Variants in GRIK4 observed in about 807,000 individuals in gnomAD.
The protein encoded by GRIK4 is glutamate receptor ionotropic, kainate 4.
Under a neutral mutation model 104.9 loss-of-function variants are expected in GRIK4, and 40 were observed. That is an observed-to-expected ratio of 0.38 (90% confidence interval 0.30 to 0.50). The LOEUF is 0.50. Ranked by LOEUF, GRIK4 falls within the 20% of genes least tolerant of loss-of-function variation. The pLI is 0.93. For synonymous variants in GRIK4, 485 were observed against 524.9 expected (o/e 0.92, Z 1.04); for missense variants, 1,047 against 1,308.1 (o/e 0.80, Z 3.08).
In GRIK4 at chr11:120,907,143, T is replaced by G. The variant is rs181814005; in HGVS notation, c.1476+1650T>G. On this transcript the variant is annotated intron_variant, in intron 13 of 20. Transcript: ENST00000527524. ...CAGACCCACTCCTGAAACATTCTTC[T>G]TATTTGGTTTCCACTGTGAAGGTGC... Among the ~76,000 whole-genome samples, 17 of 152,348 alleles carry G rather than the reference T, an allele frequency of 1.1e-4. No homozygotes were observed. The East Asian group carries it at 2.5e-3, about 22-fold the overall frequency.
intron 1 of GRIK4, among the ~76,000 whole-genome samples, chr11:120,573,212 T>C (rs1948424443): frequency 6.6e-6 from 1 of 152,194 alleles, no homozygotes; most frequent in African/African-American, 2.4e-5. Flanking sequence ...TAAATGTTTG[T>C]TGTTGATGAT....
At chr11:120,678,836 T>C (rs536960831) in intron 3 of GRIK4, among the ~76,000 whole-genome samples, 2 of 152,186 alleles carry the variant, frequency 1.3e-5, no homozygotes, top group Non-Finnish European at 2.9e-5. Context: ...GGTTTCACCA[T>C]CTTGGCCAGG....
At chr11:120,839,600 T>C (rs1953665341) in intron 8 of GRIK4, among the ~76,000 whole-genome samples, 1 of 152,226 alleles carries the variant, frequency 6.6e-6, no homozygotes. Context: ...TCCCCAGCCA[T>C]GCATGACCTG....
At chr11:120,808,817 C>G (rs1267328967) in intron 4 of GRIK4, among the ~76,000 whole-genome samples, 2 of 152,176 alleles carry the variant, frequency 1.3e-5, no homozygotes, top group African/African-American at 4.8e-5. Context: ...ACCCTCTGCT[C>G]CATTCAGGCT....
rs776440015 is a variant in GRIK4 at position 120,889,588 on chromosome 11, C to CG, written c.1165-8944_1165-8943insG. ...AATAGAATAAAATAGAAAGAGCTTA[C>CG]ATTTTTTTTTTTTTTTTTTTTTTTT... is the stretch of plus-strand genomic sequence containing the variant. On this transcript the variant is annotated intron_variant, in intron 11 of 20. Transcript: ENST00000527524. 1.6e-4 allele frequency among the ~76,000 whole-genome samples: 11 copies of CG among 67,148 alleles called. No individual in the cohort carries two copies. In the South Asian group the frequency reaches 2.5e-3, roughly 15 times the overall value. The allele number at this position is 67,148 out of a possible 152,430, so 44.1% of individuals were successfully genotyped here.
chr11:120,785,093 C>G (rs912772995), intron 3 of GRIK4, among the ~76,000 whole-genome samples: 4 of 152,188 alleles, frequency 2.6e-5, no homozygotes, highest in African/African-American at 9.7e-5. Flanking sequence ...CATTCCCACT[C>G]TGTCCCATAA....
At position 120,831,397 on chromosome 11, in the gene GRIK4, A is replaced by G. The variant is rs141049609; in HGVS notation, c.512-455A>G. On this transcript the variant is annotated intron_variant, in intron 6 of 20. Coordinates refer to ENST00000527524, the MANE Select transcript of GRIK4 (RefSeq NM_014619.5). ...TTGGACCTGAGTGCTGGCTGCTGTG[A>G]TAATTCTAACTTCTCAATTGAGGAA... Among the ~76,000 whole-genome samples the G allele has an allele frequency of 1.6e-4, 25 of 152,286 alleles. No homozygotes were observed. In the East Asian group the frequency reaches 4.8e-3, roughly 30 times the overall value.
intron 6 of GRIK4, among the ~76,000 whole-genome samples, chr11:120,826,999 A>G (rs889134520): frequency 2.0e-5 from 3 of 152,158 alleles, no homozygotes; most frequent in Non-Finnish European, 4.4e-5. Context: ...ACTATGTGCC[A>G]TATTGAATTC....
intron 13 of GRIK4, among the ~76,000 whole-genome samples, chr11:120,932,621 C>T (rs1051747252): frequency 6.6e-6 from 1 of 152,214 alleles, no homozygotes; most frequent in Non-Finnish European, 1.5e-5. Context: ...AGACAATTAC[C>T]TTGGAATGAA....
At chr11:120,859,171 G>A in intron 8 of GRIK4, 1 of 152,046 alleles carries the variant, frequency 6.6e-6, no homozygotes, top group South Asian at 2.1e-4. Flanking sequence ...TTTCTAACTT[G>A]TGGAACTGAA....
intron 1 of GRIK4, among the ~76,000 whole-genome samples, chr11:120,642,017 A>C (rs933547972): frequency 3.9e-5 from 6 of 152,198 alleles, no homozygotes; most frequent in African/African-American, 1.4e-4. Context: ...CGGTGTTCCC[A>C]TGGCAACCAG....
At chr11:120,690,950 T>C (rs1295770817) in intron 3 of GRIK4, among the ~76,000 whole-genome samples, 1 of 152,224 alleles carries the variant, frequency 6.6e-6, no homozygotes, top group Non-Finnish European at 1.5e-5. Flanking sequence ...TCATTTAACC[T>C]CCCTTTATAG....
chr11:120,769,022 C>T (rs140713970), intron 3 of GRIK4, among the ~76,000 whole-genome samples: 4 of 152,174 alleles, frequency 2.6e-5, no homozygotes, highest in African/African-American at 7.2e-5. Context: ...GTGTCTTTAT[C>T]TGGCTTAAGT....
intron 1 of GRIK4, among the ~76,000 whole-genome samples, chr11:120,548,222 C>T (rs943029856): frequency 2.0e-5 from 3 of 152,036 alleles, no homozygotes; most frequent in Non-Finnish European, 4.4e-5. Context: ...ATGCATGACA[C>T]GTGATAAGTA....
Position 120,558,964 on chromosome 11 carries a change from G to A in GRIK4, c.-159+47077G>A, listed in dbSNP as rs116482549. Among the ~76,000 whole-genome samples the A allele has an allele frequency of 5.1e-3, 782 of 152,268 alleles. 6 individuals are homozygous for A. Among genetic ancestry groups the A allele is most frequent in the African/African-American group, 0.017 (714 of 41,560 alleles). On this transcript the variant is annotated intron_variant, in intron 1 of 20. Transcript: ENST00000527524. ...GGCCTCACCATGGTGATGCTGAAGG[G>A]CACTCATATTTTTGCTGTGTTTATT...
At chr11:120,567,411 G>A (rs1448596277) in intron 1 of GRIK4, among the ~76,000 whole-genome samples, 3 of 151,924 alleles carry the variant, frequency 2.0e-5, no homozygotes, top group African/African-American at 4.8e-5. Flanking sequence ...CTCCCACCTC[G>A]GCCTCCCAAA....
chr11:120,824,045 T>A (rs11218016), intron 6 of GRIK4, among the ~76,000 whole-genome samples: 1 of 152,040 alleles, frequency 6.6e-6, no homozygotes, highest in Non-Finnish European at 1.5e-5. Flanking sequence ...AATGCAGGGC[T>A]GAGAGATACT....
intron 1 of GRIK4, among the ~76,000 whole-genome samples, chr11:120,563,199 G>C (rs533271537): frequency 6.6e-6 from 1 of 152,174 alleles, no homozygotes; most frequent in South Asian, 2.1e-4. Flanking sequence ...CAGCCTCTTT[G>C]TCCATGTGGG....
At chr11:120,829,489 A>G (rs1399761660) in intron 6 of GRIK4, among the ~76,000 whole-genome samples, 1 of 152,136 alleles carries the variant, frequency 6.6e-6, no homozygotes, top group Non-Finnish European at 1.5e-5. Context: ...CAGGGACTGT[A>G]TGTGACCCGT....
Sources: allele counts gnomAD v4.1 joint callset (sites outside exome capture counted in the v4.1 genomes callset), GRCh38; gene constraint gnomAD v4.1.1; transcripts MANE v1.5; gene names NCBI Gene and HGNC (gene_info 2026-07-23, HGNC 2026-07-21).